The following DUSP5 variants were observed in gnomAD, a reference collection of about 807,000 sequenced individuals.
DUSP5 encodes dual specificity phosphatase 5.
In DUSP5, 22 loss-of-function variants were observed where a neutral mutation model predicts 33.6. The observed-to-expected ratio is 0.66, with a 90% CI of 0.47 to 0.94. The LOEUF (loss-of-function observed/expected upper bound fraction) is 0.94. Ranked by LOEUF, DUSP5 falls within the 40% of genes least tolerant of loss-of-function variation. The pLI is 0.00. For missense variants in DUSP5, 551 were observed against 522.1 expected, an observed-to-expected ratio of 1.06 and a Z score of -0.54; for synonymous variants, 270 against 231.1, an observed-to-expected ratio of 1.17 and a Z score of -1.53.
rs751130954 is a variant in DUSP5 at position 110,502,795 on chromosome 10, G to T, written c.454G>T (p.Glu152Ter). 1.2e-6 allele frequency: 2 copies of T among 1,614,182 alleles called. No individual in the cohort carries two copies. Among genetic ancestry groups the T allele is most frequent in the Non-Finnish European group, 1.7e-6 (2 of 1,180,036 alleles). Residue 152 changes from glutamate to a stop codon, truncating the protein, a stop_gained, in exon 2 of 4, where the codon GAG becomes TAG. Transcript: ENST00000369583. LOFTEE classifies it high-confidence loss of function. ...DVKPISQEKIESERALISQCG... is the reference protein window; with the variant it reads ...DVKPISQEKI ...AAAACCCATTTCACAAGAGAAGATT[G>T]AGAGTGAGAGAGCCCTCATCAGCCA...
chr10:110,509,852 C>G (rs1044193242), intron 3 of DUSP5, among the ~76,000 whole-genome samples, 168 bp from the exon 4 acceptor site: 21 of 152,214 alleles, frequency 1.4e-4, no homozygotes, highest in African/African-American at 4.8e-4. Context: ...AAAGCTCTAT[C>G]CTCACCAGTG....
intron 1 of DUSP5, among the ~76,000 whole-genome samples, chr10:110,500,276 C>A (rs370812756): frequency 6.6e-6 from 1 of 152,160 alleles, no homozygotes; most frequent in African/African-American, 2.4e-5. Context: ...CCTGTAATGA[C>A]CATTAGGTTG....
chr10:110,498,955 G>T (rs953255243), intron 1 of DUSP5, among the ~76,000 whole-genome samples: 1 of 152,200 alleles, frequency 6.6e-6, no homozygotes, highest in Admixed American at 6.5e-5. Context: ...CGCCTAGCCA[G>T]CTGTGGTCTT....
At chr10:110,507,581 C>T (rs552344672) in intron 3 of DUSP5, among the ~76,000 whole-genome samples, 1 of 152,174 alleles carries the variant, frequency 6.6e-6, no homozygotes, top group African/African-American at 2.4e-5. Context: ...CCCAAGGGCC[C>T]CCAGCAGCTT....
chr10:110,498,453 C>T lies in DUSP5; in HGVS notation c.332C>T (p.Ser111Leu), dbSNP rs1393524641. The change falls in exon 1 of 4, where the codon TCG becomes TTG. Residue 111 changes from serine to leucine, a missense_variant. Ser to Leu is a moderately radical substitution (Grantham distance 145). Around this residue, in one of 3 missense-constraint regions of DUSP5, gnomAD observed 381 missense variants for 310.4 expected, o/e 1.23. Transcript: ENST00000369583. The part of the protein sequence containing the change: ...EESAARVVLT[S>L]LLACLPAGPR... ...AGCGCCGCGCGTGTCGTCCTCACCTCGCTACTCGCTTGCCTACCCGCCGGC... is the reference window on the plus strand; with the variant it reads ...AGCGCCGCGCGTGTCGTCCTCACCTTGCTACTCGCTTGCCTACCCGCCGGC... 1.9e-6 allele frequency: 3 copies of T among 1,542,382 alleles called. No homozygotes were observed. The highest frequency in any genetic ancestry group is 1.4e-5 in the African/African-American group (1 of 70,714).
intron 1 of DUSP5, among the ~76,000 whole-genome samples, chr10:110,500,119 T>C (rs1860024912): frequency 6.6e-6 from 1 of 152,200 alleles, no homozygotes; most frequent in South Asian, 2.1e-4. Context: ...CGTCAACTAT[T>C]TTTTGTTTAC....
chr10:110,507,204 T>C (rs770475019), intron 3 of DUSP5, 50 bp downstream of exon 3: 14 of 1,571,128 alleles, frequency 8.9e-6, no homozygotes, highest in Non-Finnish European at 1.2e-5. Context: ...CTTTGGGGCA[T>C]GTGTTCTTGA....
chr10:110,499,202 G>A (rs113506362), intron 1 of DUSP5, among the ~76,000 whole-genome samples: 1,675 of 152,152 alleles, frequency 0.011, 42 homozygotes, highest in African/African-American at 0.038. Flanking sequence ...AGGTGCGCGG[G>A]GGCAGGGTGG....
In DUSP5 at chr10:110,509,840, C is replaced by G. The variant is rs557748693; in HGVS notation, c.749-180C>G. Reference sequence around the variant, plus strand: ...TTGGGGATAGTCTTTGCTGGGACCCCAAAAGCTCTATCCTCACCAGTGGGG... The same window carrying G: ...TTGGGGATAGTCTTTGCTGGGACCCGAAAAGCTCTATCCTCACCAGTGGGG... On this transcript the variant is annotated intron_variant, in intron 3 of 3. Coordinates refer to ENST00000369583, the MANE Select transcript of DUSP5 (RefSeq NM_004419.4). Among the ~76,000 whole-genome samples, 12 of 152,298 alleles carry G rather than the reference C, an allele frequency of 7.9e-5. No homozygotes were observed. In the South Asian group the frequency reaches 2.5e-3, roughly 32 times the overall value.
In DUSP5 at chr10:110,498,175, G is replaced by C. The variant is rs771746372; in HGVS notation, c.54G>C (p.Glu18Asp). The C allele has an allele frequency of 3.3e-6, 5 of 1,493,680 alleles. No homozygotes were observed. The highest frequency in any genetic ancestry group is 3.6e-6 in the Non-Finnish European group (4 of 1,120,926). The allele number at this position is 1,493,680 out of a possible 1,614,324, so 92.5% of individuals were successfully genotyped here. The change falls in exon 1 of 4, where the codon GAG (glutamate) becomes GAC (aspartate). Residue 18 changes from glutamate (E) to aspartate (D), a missense_variant. Glu to Asp is a conservative substitution (Grantham distance 45). Around this residue, in one of 3 missense-constraint regions of DUSP5, gnomAD observed 381 missense variants for 310.4 expected, o/e 1.23. Transcript: ENST00000369583. ...AGCTGCGCAAGATGCTCCGCAAGGA[G>C]GCGGCGGCGCGCTGCGTGGTGCTCG... Reference protein sequence around the residue: ...GRQLRKMLRKEAAARCVVLDC... With the variant: ...GRQLRKMLRKDAAARCVVLDC...
chr10:110,502,635 C>CATTTT, intron 1 of DUSP5, 86 bp from the exon 2 acceptor site: 1 of 1,486,722 alleles, frequency 6.7e-7, no homozygotes, highest in East Asian at 2.3e-5. Flanking sequence ...GTGTAACACT[C>CATTTT]AGAGTATTGA....
rs1174036231 is a variant in DUSP5 at position 110,511,362 on chromosome 10, T to A, written c.*936T>A. ...TCTTCAAGCTGTGGACTTCTGGGAT[T>A]TGCAGATTTTGCAACGTGGTACTAC... On this transcript the variant is annotated 3_prime_UTR_variant, in exon 4 of 4. Transcript: ENST00000369583. The A allele has an allele frequency of 1.3e-5, 2 of 152,648 alleles. No individual in the cohort carries two copies. The highest frequency in any genetic ancestry group is 3.8e-4 in the East Asian group (2 of 5,202). The allele number at this position is 152,648 out of a possible 1,614,324, so 9.5% of individuals were successfully genotyped here.
chr10:110,510,197 A>G lies in DUSP5; in HGVS notation c.926A>G (p.Gln309Arg). 6.2e-7 allele frequency: 1 copy of G among 1,614,222 alleles called. No individual in the cohort carries two copies. Among genetic ancestry groups the G allele is most frequent in the Non-Finnish European group, 8.5e-7 (1 of 1,180,026 alleles). ...MVSPNFGFMG[Q>R]LLQYESEILP... Reference sequence around the variant, plus strand: ...TCGCCCAACTTTGGCTTCATGGGCCAGCTCCTGCAGTACGAATCTGAGATC... The same window carrying G: ...TCGCCCAACTTTGGCTTCATGGGCCGGCTCCTGCAGTACGAATCTGAGATC... Residue 309 changes from glutamine (Q) to arginine (R), a missense_variant, in exon 4 of 4, where the codon CAG becomes CGG. By Grantham distance (43) the Gln-to-Arg change is conservative (BLOSUM62 1). Coordinates refer to ENST00000369583, the MANE Select transcript of DUSP5 (RefSeq NM_004419.4).
intron 2 of DUSP5, chr10:110,503,421 A>T (rs935841922): frequency 3.3e-5 from 5 of 152,326 alleles, no homozygotes; most frequent in Non-Finnish European, 5.9e-5. Flanking sequence ...TCTTATGCTT[A>T]CAATTCCACA....
chr10:110,504,559 C>T (rs985341827), intron 2 of DUSP5, among the ~76,000 whole-genome samples: 19 of 152,192 alleles, frequency 1.2e-4, no homozygotes, highest in South Asian at 4.1e-4. Context: ...TGTTAGTGTC[C>T]ATTGGTGGGG....
intron 1 of DUSP5, 52 bp from the exon 2 acceptor site, chr10:110,502,669 C>G (rs866301801): frequency 1.9e-6 from 3 of 1,589,102 alleles, no homozygotes; most frequent in Admixed American, 1.7e-5. Context: ...TTTTTGACAG[C>G]GTGAGAAATT....
In DUSP5 at chr10:110,497,972, C is replaced by G; in HGVS notation, c.-150C>G. On this transcript the variant is annotated 5_prime_UTR_variant, in exon 1 of 4. Transcript: ENST00000369583. ...AGCGGGGCGGGAACGCGGAGTTGCG[C>G]CGCCGCTCGGGCGCCGGGCTCCGTC... The G allele has an allele frequency of 2.8e-5, 15 of 537,270 alleles. No homozygotes were observed. Among genetic ancestry groups the G allele is most frequent in the Non-Finnish European group, 3.3e-5 (14 of 421,218 alleles). 33.3% of individuals were successfully genotyped at this position (537,270 alleles called of 1,614,324 possible).
In DUSP5 at chr10:110,497,994, C is replaced by A; in HGVS notation, c.-128C>A. ...GCGCCGCCGCTCGGGCGCCGGGCTC[C>A]GTCGCGGCCGCAGCCCCGCGGGTCG... On this transcript the variant is annotated 5_prime_UTR_variant, in exon 1 of 4. Coordinates refer to ENST00000369583, the MANE Select transcript of DUSP5 (RefSeq NM_004419.4). 1.3e-6 allele frequency: 1 copy of A among 796,824 alleles called. No homozygotes were observed. Among genetic ancestry groups the A allele is most frequent in the Non-Finnish European group, 1.5e-6 (1 of 658,000 alleles). The allele number at this position is 796,824 out of a possible 1,614,324, so 49.4% of individuals were successfully genotyped here. A position where few individuals can be genotyped will look rare whatever the true frequency, so the allele number is the denominator to read the frequency against.
chr10:110,510,267 GGCA>G lies in DUSP5; in HGVS notation c.1001_1003del (p.Ala334del). 2 of 1,614,114 alleles carry G rather than the reference GGCA, an allele frequency of 1.2e-6. No individual in the cohort carries two copies. The highest frequency in any genetic ancestry group is 2.2e-5 in the East Asian group (1 of 44,874). On this transcript the variant is annotated inframe_deletion, in exon 4 of 4. Transcript: ENST00000369583. ...CCCAGCCTCCCTCCTGCCAAGGGGA[GGCA>G]GCAGGCTCTTCACTGATAGGCCATT... is the stretch of plus-strand genomic sequence containing the variant.
Sources: gnomAD v4.1 joint callset for allele counts (sites outside exome capture counted in the v4.1 genomes callset) on GRCh38, gnomAD v4.1.1 for gene constraint, gnomAD v4.1.1 regional missense constraint, MANE v1.5 for transcripts, NCBI Gene and HGNC (gene_info 2026-07-23, HGNC 2026-07-21) for gene names.